GPN1: variants seen among roughly 807,000 people sequenced by gnomAD.
GPN1 encodes ATP(GTP)-binding protein.
Under a neutral mutation model 55.9 loss-of-function variants are expected in GPN1, and 44 were observed. The observed-to-expected ratio is 0.79, with a 90% CI of 0.62 to 1.01. The LOEUF (loss-of-function observed/expected upper bound fraction) is 1.01, where lower values mean the gene tolerates loss of function less well. Ranked by LOEUF, GPN1 falls within the 50% of genes least tolerant of loss-of-function variation. GPN1 has a pLI of 0.00. For missense variants in GPN1, 466 were observed against 462.8 expected (o/e 1.01, Z -0.06); for synonymous variants, 179 against 162.5 (o/e 1.10, Z -0.77).
intron 12 of GPN1, among the ~76,000 whole-genome samples, chr2:27,642,943 TTATA>T (rs774839303): frequency 4.0e-4 from 52 of 128,560 alleles, no homozygotes; most frequent in African/African-American, 1.2e-3. Flanking sequence ...AAATGTGGTT[TTATA>T]TATATATATA....
upstream of GPN1, chr2:27,628,381 AG>A (rs753734411): frequency 2.1e-4 from 319 of 1,549,610 alleles, 3 homozygotes; most frequent in South Asian, 2.8e-3. Context: ...GCTCCCCTCC[AG>A]TACCTACTTG....
intron 1 of GPN1, 101 bp downstream of exon 1, chr2:27,629,270 G>A: frequency 2.0e-6 from 3 of 1,486,906 alleles, no homozygotes; most frequent in Non-Finnish European, 1.8e-6. Context: ...GGAGGGTACC[G>A]GCGCATGGCT....
At chr2:27,639,965 A>G (rs1673873189) in intron 9 of GPN1, 78 bp from the exon 10 acceptor site, 1 of 977,166 alleles carries the variant, frequency 1.0e-6, no homozygotes, top group South Asian at 1.4e-5. Flanking sequence ...AGATTTTATG[A>G]CATTTAAACA....
chr2:27,633,628 T>C (rs4666007), intron 5 of GPN1, among the ~76,000 whole-genome samples: 81,321 of 151,828 alleles, frequency 0.54, 22,275 homozygotes, highest in East Asian at 0.88. Context: ...GGTGGCCTGC[T>C]ACCATGCCTG....
intron 5 of GPN1, among the ~76,000 whole-genome samples, chr2:27,634,138 T>C (rs1673646735): frequency 2.0e-5 from 3 of 152,192 alleles, no homozygotes; most frequent in African/African-American, 7.2e-5. Context: ...TTACTTTTAT[T>C]TTCTTAATAA....
At chr2:27,638,184 A>C (rs375118761) in intron 7 of GPN1, 26 bp from the exon 8 acceptor site, 4 of 1,376,936 alleles carry the variant, frequency 2.9e-6, no homozygotes, top group Non-Finnish European at 4.2e-6. Flanking sequence ...GCTTTTACTA[A>C]TAACTTCTCA....
chr2:27,638,658 T>A (rs905117452), intron 8 of GPN1, among the ~76,000 whole-genome samples: 6 of 152,150 alleles, frequency 3.9e-5, no homozygotes, highest in Admixed American at 1.3e-4. Context: ...GTCCTGGTAC[T>A]TGGCAGTGGA....
rs1238832613 is a variant in GPN1 at position 27,631,075 on chromosome 2, T to G, written c.245+9T>G. 1 of 1,347,114 alleles carries G rather than the reference T, an allele frequency of 7.4e-7. No homozygotes were observed. Among genetic ancestry groups the G allele is most frequent in the Non-Finnish European group, 1.1e-6 (1 of 938,620 alleles). 83.4% of individuals were successfully genotyped at this position (1,347,114 alleles called of 1,614,324 possible). A position where few individuals can be genotyped will look rare whatever the true frequency, so the allele number is the denominator to read the frequency against. ...AAAGAAGTAATGAAACAGTATCCTT[T>G]TCCATCTACTTTGGTCTTGACTCAT... On this transcript the variant is annotated intron_variant, in intron 3 of 13. Coordinates refer to ENST00000610189, the MANE Select transcript of GPN1 (RefSeq NM_007266.4).
rs1284697611 is a variant in GPN1 at position 27,632,634 on chromosome 2, T to C, written c.314T>C (p.Val105Ala). Residue 105 changes from valine to alanine, a missense_variant and splice_region_variant, in exon 5 of 14, where the codon GTG becomes GCG. Val to Ala is a moderately conservative substitution (Grantham distance 64). Coordinates refer to ENST00000610189, the MANE Select transcript of GPN1 (RefSeq NM_007266.4). ...LNLFATRFDQ[V>A]MKFIEKAQNM... is the part of the protein sequence containing the mutation. ...GTCATTGACATCTTTTTCTTTTAGG[T>C]GATGAAATTTATTGAGAAGGCCCAG... 6.3e-7 allele frequency: 1 copy of C among 1,597,760 alleles called. No individual in the cohort carries two copies. The highest frequency in any genetic ancestry group is 1.7e-5 in the Admixed American group (1 of 59,984).
chr2:27,629,665 G>A lies in GPN1; in HGVS notation c.112-194G>A, dbSNP rs1240285651. Among the ~76,000 whole-genome samples, 6 of 152,160 alleles carry A rather than the reference G, an allele frequency of 3.9e-5. No individual in the cohort carries two copies. The East Asian group carries it at 1.2e-3, about 29-fold the overall frequency. ...AGTAAACAAGTGACTACGAGTAGGG[G>A]AAGCTTTGTTAGATGGGTGATGAAG... On this transcript the variant is annotated intron_variant, in intron 1 of 13. Coordinates refer to ENST00000610189, the MANE Select transcript of GPN1 (RefSeq NM_007266.4).
At chr2:27,638,797 A>G (rs1028227800) in intron 8 of GPN1, 88 bp from the exon 9 acceptor site, 2 of 1,077,836 alleles carry the variant, frequency 1.9e-6, no homozygotes, top group Non-Finnish European at 2.7e-6. Context: ...TATGGATGAT[A>G]TGTTCTTTGC....
At chr2:27,629,821 CTT>C in intron 1 of GPN1, 36 bp from the exon 2 acceptor site, 1 of 1,111,918 alleles carries the variant, frequency 9.0e-7, no homozygotes, top group Non-Finnish European at 1.4e-6. Context: ...CTTGTCCCCT[CTT>C]TGTCTCCTTC....
At chr2:27,639,213 G>C (rs1170487349) in intron 9 of GPN1, among the ~76,000 whole-genome samples, 182 bp downstream of exon 9, 1 of 152,196 alleles carries the variant, frequency 6.6e-6, no homozygotes, top group East Asian at 1.9e-4. Context: ...CAGCTTCAGA[G>C]TTTATAGTCT....
intron 2 of GPN1, 138 bp from the exon 3 acceptor site, chr2:27,630,889 A>G (rs1472151649): frequency 5.9e-6 from 4 of 675,596 alleles, no homozygotes; most frequent in Non-Finnish European, 1.1e-5. Context: ...TATTCTTTGT[A>G]AGGAAGGAAA....
At chr2:27,635,874 G>C (rs1673714878) in intron 7 of GPN1, among the ~76,000 whole-genome samples, 1 of 152,156 alleles carries the variant, frequency 6.6e-6, no homozygotes, top group African/African-American at 2.4e-5. Context: ...GAGTGAAATT[G>C]TAACATGAGG....
At chr2:27,639,211 G>C (rs773838492) in intron 9 of GPN1, among the ~76,000 whole-genome samples, 180 bp downstream of exon 9, 1 of 152,176 alleles carries the variant, frequency 6.6e-6, no homozygotes, top group Non-Finnish European at 1.5e-5. Context: ...CCCAGCTTCA[G>C]AGTTTATAGT....
At chr2:27,635,929 A>G (rs1227313541) in intron 7 of GPN1, among the ~76,000 whole-genome samples, 1 of 152,158 alleles carries the variant, frequency 6.6e-6, no homozygotes, top group African/African-American at 2.4e-5. Context: ...TAAAATGCAC[A>G]GGTGGCCAGG....
rs569102339 is a variant in GPN1, at chr2:27,641,351, G to A, written c.840+72G>A. ...ACCCAGCTCAATCTTGATGACATAA[G>A]TGCTTTTGTTTTGGTTATTAATGTA... On this transcript the variant is annotated intron_variant, in intron 11 of 13. Coordinates refer to ENST00000610189, the MANE Select transcript of GPN1 (RefSeq NM_007266.4). 1.1e-5 allele frequency: 12 copies of A among 1,089,906 alleles called. No individual in the cohort carries two copies. In the South Asian group the frequency reaches 1.4e-4, roughly 12 times the overall value. The allele number at this position is 1,089,906 out of a possible 1,614,324, so 67.5% of individuals were successfully genotyped here.
intron 12 of GPN1, 79 bp downstream of exon 12, chr2:27,642,598 C>A: frequency 1.1e-6 from 1 of 886,612 alleles, no homozygotes; most frequent in Non-Finnish European, 1.8e-6. Flanking sequence ...ATTTTTGAGA[C>A]GGAGTTTCAC....
Sources: gnomAD v4.1 joint callset for allele counts (sites outside exome capture counted in the v4.1 genomes callset) on GRCh38, gnomAD v4.1.1 for gene constraint, MANE v1.5 for transcripts, NCBI Gene and HGNC (gene_info 2026-07-23, HGNC 2026-07-21) for gene names.